Variants in CDH10 observed in about 807,000 individuals in gnomAD.
CDH10 encodes the protein cadherin 10.
CDH10 carries 30 observed loss-of-function variants against 73.1 expected under a neutral mutation model. The observed-to-expected ratio is 0.41, with a 90% confidence interval of 0.31 to 0.56. CDH10 has a LOEUF of 0.56. Ranked by LOEUF, CDH10 falls within the 20% of genes least tolerant of loss-of-function variation. The probability of loss-of-function intolerance (pLI) is 0.27; values close to 1 mark genes in which losing one functional copy is unlikely to be tolerated. For synonymous variants in CDH10, 345 were observed against 348.2 expected (o/e 0.99, Z 0.10); for missense variants, 815 against 973.7 (o/e 0.84, Z 2.17).
At chr5:24,538,214 A>G (rs2111900245) in intron 2 of CDH10, among the ~76,000 whole-genome samples, 1 of 152,232 alleles carries the variant, frequency 6.6e-6, no homozygotes, top group East Asian at 1.9e-4. Context: ...TATACAATAG[A>G]CAGCGATTAC....
intron 2 of CDH10, among the ~76,000 whole-genome samples, chr5:24,569,483 T>C (rs569867786): frequency 2.1e-4 from 32 of 152,210 alleles, no homozygotes; most frequent in Admixed American, 1.8e-3. Context: ...TTTCTACATA[T>C]GCTAAAATAA....
intron 5 of CDH10, among the ~76,000 whole-genome samples, chr5:24,521,499 CG>C (rs572640350): frequency 1.4e-3 from 206 of 152,108 alleles, no homozygotes; most frequent in African/African-American, 4.6e-3. Context: ...CCCAGCTACT[CG>C]GAAGGCTGAG....
intron 1 of CDH10, among the ~76,000 whole-genome samples, chr5:24,641,059 T>G (rs1202893195): frequency 6.6e-6 from 1 of 151,972 alleles, no homozygotes; most frequent in Non-Finnish European, 1.5e-5. Context: ...GTGATGGGTC[T>G]TATTTTTTGA....
At chr5:24,562,837 C>T (rs1008430348) in intron 2 of CDH10, among the ~76,000 whole-genome samples, 6 of 151,946 alleles carry the variant, frequency 3.9e-5, no homozygotes, top group African/African-American at 1.5e-4. Flanking sequence ...AACTTTGAAA[C>T]ACTTACAAAC....
At chr5:24,549,276 G>C (rs991338286) in intron 2 of CDH10, among the ~76,000 whole-genome samples, 2 of 152,156 alleles carry the variant, frequency 1.3e-5, no homozygotes, top group Non-Finnish European at 2.9e-5. Flanking sequence ...TAAGAACGAA[G>C]TAGAAGTTGT....
At chr5:24,530,400 T>C (rs1743697060) in intron 5 of CDH10, among the ~76,000 whole-genome samples, 1 of 152,066 alleles carries the variant, frequency 6.6e-6, no homozygotes, top group African/African-American at 2.4e-5. Flanking sequence ...AATCTTTTCA[T>C]AGACCTTTCC....
At chr5:24,538,174 T>C (rs1334680713) in intron 2 of CDH10, among the ~76,000 whole-genome samples, 1 of 152,114 alleles carries the variant, frequency 6.6e-6, no homozygotes, top group Non-Finnish European at 1.5e-5. Flanking sequence ...AAGTTCTTAC[T>C]TTAAAAACAA....
At position 24,593,395 on chromosome 5, in the gene CDH10, T is replaced by G. The variant is rs1401070251; in HGVS notation, c.96A>C (p.Pro32=). The G allele has an allele frequency of 6.2e-7, 1 of 1,612,532 alleles. No homozygotes were observed. The highest frequency in any genetic ancestry group is 1.7e-5 in the Admixed American group (1 of 59,936). The change falls in exon 2 of 12, where the codon CCA becomes CCC. Residue 32 remains proline (P), a synonymous_variant. Transcript: ENST00000264463. ...PEIMFRRTPV[P]QQRILSSRVP... ...CACGTGAACTTAAAATTCTTTGCTG[T>G]GGCACAGGCGTCCTTCTGAACATTA...
chr5:24,616,679 C>T (rs909414685), intron 1 of CDH10, among the ~76,000 whole-genome samples: 2 of 152,018 alleles, frequency 1.3e-5, no homozygotes, highest in Non-Finnish European at 2.9e-5. Flanking sequence ...CCAGAATAAA[C>T]ATTCTCAGGC....
intron 5 of CDH10, among the ~76,000 whole-genome samples, chr5:24,524,930 G>A (rs1196455644): frequency 6.6e-6 from 1 of 151,970 alleles, no homozygotes; most frequent in Non-Finnish European, 1.5e-5. Context: ...ACTATTTGAG[G>A]CTGATATTCC....
chr5:24,607,154 T>G (rs1746787899), intron 1 of CDH10, among the ~76,000 whole-genome samples: 1 of 152,086 alleles, frequency 6.6e-6, no homozygotes, highest in African/African-American at 2.4e-5. Flanking sequence ...TGGGCCTGCT[T>G]AGGGGAGTGT....
intron 2 of CDH10, among the ~76,000 whole-genome samples, chr5:24,580,722 A>G (rs1745769621): frequency 6.6e-6 from 1 of 152,318 alleles, no homozygotes; most frequent in African/African-American, 2.4e-5. Flanking sequence ...TTAAAACAAC[A>G]CAAATTAATT....
intron 5 of CDH10, among the ~76,000 whole-genome samples, chr5:24,520,098 A>G (rs557033553): frequency 6.6e-6 from 1 of 152,286 alleles, no homozygotes; most frequent in East Asian, 1.9e-4. Context: ...CTCATTTTAA[A>G]CTATTTTCTC....
intron 2 of CDH10, among the ~76,000 whole-genome samples, chr5:24,538,331 C>T (rs1744032003): frequency 6.6e-6 from 1 of 152,018 alleles, no homozygotes; most frequent in African/African-American, 2.4e-5. Flanking sequence ...AAAATATGTT[C>T]TAGCCTCCTG....
chr5:24,504,036 A>G lies in CDH10; in HGVS notation c.1393+1076T>C, dbSNP rs112289836. Reference sequence around the variant, plus strand: ...ACAAATGATAATATCTTTAGTCTATAATTCAAGCTCATTTTTATTAGTTAA... The same window carrying G: ...ACAAATGATAATATCTTTAGTCTATGATTCAAGCTCATTTTTATTAGTTAA... On this transcript the variant is annotated intron_variant, in intron 8 of 11. Transcript: ENST00000264463. Among the ~76,000 whole-genome samples, 517 of 152,298 alleles carry G rather than the reference A, an allele frequency of 3.4e-3. 3 individuals carry two copies. Among genetic ancestry groups the G allele is most frequent in the African/African-American group, 0.011 (474 of 41,578 alleles).
At position 24,487,856 on chromosome 5, in the gene CDH10, G is replaced by C. The variant is rs143036065; in HGVS notation, c.2174C>G (p.Pro725Arg). The C allele has an allele frequency of 1.9e-6, 3 of 1,613,748 alleles. No individual in the cohort carries two copies. The highest frequency in any genetic ancestry group is 1.3e-5 in the African/African-American group (1 of 74,856). Residue 725 changes from proline to arginine, a missense_variant, in exon 12 of 12, where the codon CCC becomes CGC. Physicochemically the swap from Pro to Arg is moderately radical, Grantham distance 103 (BLOSUM62 -2). Transcript: ENST00000264463. Reference sequence around the variant, plus strand: ...AAGTGAGTCGTAGGGGGGTGCGGTGGGGTCAAGATCATGCTCTTTTAGCCT... The same window carrying C: ...AAGTGAGTCGTAGGGGGGTGCGGTGCGGTCAAGATCATGCTCTTTTAGCCT... ...NERLKEHDLD[P>R]TAPPYDSLAT...
chr5:24,632,633 A>G (rs979451829), intron 1 of CDH10, among the ~76,000 whole-genome samples: 1 of 152,162 alleles, frequency 6.6e-6, no homozygotes, highest in Admixed American at 6.6e-5. Flanking sequence ...GCAGATTCAA[A>G]ATAGAGAAAA....
intron 8 of CDH10, among the ~76,000 whole-genome samples, chr5:24,504,594 C>T (rs1315877204): frequency 1.5e-5 from 2 of 137,576 alleles, no homozygotes; most frequent in African/African-American, 2.7e-5. Context: ...GGCGCGATCT[C>T]GGCTCACTGC....
chr5:24,501,030 T>A (rs1424487690), intron 8 of CDH10, among the ~76,000 whole-genome samples: 1 of 152,222 alleles, frequency 6.6e-6, no homozygotes, highest in African/African-American at 2.4e-5. Context: ...GACCTTTTGC[T>A]ATCTACTTGT....
Sources: gnomAD v4.1 joint callset for allele counts (sites outside exome capture counted in the v4.1 genomes callset) on GRCh38, gnomAD v4.1.1 for gene constraint, MANE v1.5 for transcripts, NCBI Gene and HGNC (gene_info 2026-07-23, HGNC 2026-07-21) for gene names.